MPPED1: variants seen among roughly 807,000 people sequenced by gnomAD.
MPPED1 encodes metallophosphoesterase domain-containing protein 1.
Under a neutral mutation model 36.2 loss-of-function variants are expected in MPPED1, and 16 were observed. The observed-to-expected ratio is 0.44, with a 90% CI of 0.30 to 0.67. The LOEUF is 0.67. MPPED1 is among the 30% of genes least tolerant of loss of function. The pLI is 0.10. For synonymous variants in MPPED1, 199 were observed against 191.3 expected, an observed-to-expected ratio of 1.04 and a Z score of -0.33; for missense variants, 307 against 453.4, an observed-to-expected ratio of 0.68 and a Z score of 2.93.
intron 2 of MPPED1, among the ~76,000 whole-genome samples, chr22:43,430,870 A>G (rs1929653740): frequency 6.6e-6 from 1 of 151,956 alleles, no homozygotes; most frequent in Admixed American, 6.5e-5. Flanking sequence ...TTGTCATTGC[A>G]AGTATCAGAA....
rs201366771 is a variant in MPPED1, at chr22:43,502,787, C to T, written c.862+30C>T. On this transcript the variant is annotated intron_variant, in intron 6 of 6. Coordinates refer to ENST00000443721, the MANE Select transcript of MPPED1 (RefSeq NM_001044370.2). This position sits in a 1 kb window ranked among gnomAD's most constrained non-coding sequence, Gnocchi z 5.5. The stretch of plus-strand genomic sequence containing the variant: ...GTACGTAGCGGAGACAGGCACCTCA[C>T]GGGCTAGGGGCTCCTAATGGACCCT... 33 of 1,587,362 alleles carry T rather than the reference C, an allele frequency of 2.1e-5. No individual in the cohort carries two copies. The highest frequency in any genetic ancestry group is 3.3e-4 in the Middle Eastern group (2 of 6,022).
At chr22:43,432,573 A>AGGAGAGAGAGAGAAAGGGG (rs1569067225) in intron 2 of MPPED1, among the ~76,000 whole-genome samples, 29 of 88,214 alleles carry the variant, frequency 3.3e-4, no homozygotes, top group Non-Finnish European at 6.0e-4. Context: ...AGAGAAAGGG[A>AGGAGAGAGAGAGAAAGGGG]GGAGAGAGAG....
intron 4 of MPPED1, among the ~76,000 whole-genome samples, chr22:43,491,029 A>G (rs544947594): frequency 6.6e-6 from 1 of 152,360 alleles, no homozygotes; most frequent in East Asian, 1.9e-4. Context: ...TGGGTGGCTA[A>G]TTAAATAGAA....
intron 3 of MPPED1, among the ~76,000 whole-genome samples, chr22:43,460,115 A>G (rs1930895165): frequency 6.6e-6 from 1 of 151,986 alleles, no homozygotes; most frequent in Non-Finnish European, 1.5e-5. Flanking sequence ...GCTGAGGCAG[A>G]AGATTTGCTT....
At chr22:43,438,748 G>A (rs963928893) in intron 3 of MPPED1, among the ~76,000 whole-genome samples, 14 of 152,246 alleles carry the variant, frequency 9.2e-5, no homozygotes, top group Non-Finnish European at 1.3e-4. Flanking sequence ...GCTCCTGGGT[G>A]TCTGGTGCCA....
At chr22:43,453,961 C>T (rs957555277) in intron 3 of MPPED1, among the ~76,000 whole-genome samples, 2 of 152,120 alleles carry the variant, frequency 1.3e-5, no homozygotes, top group Non-Finnish European at 2.9e-5. Flanking sequence ...CTCTCCCCAG[C>T]CCCTGGCATC....
intron 3 of MPPED1, among the ~76,000 whole-genome samples, chr22:43,435,750 C>T (rs750029057): frequency 5.9e-5 from 9 of 152,190 alleles, no homozygotes; most frequent in South Asian, 2.1e-4. Flanking sequence ...CCAGCTACAT[C>T]GGAGGCTGAG....
chr22:43,448,290 G>A (rs1017510636), intron 3 of MPPED1, among the ~76,000 whole-genome samples: 1 of 152,182 alleles, frequency 6.6e-6, no homozygotes, highest in African/African-American at 2.4e-5. Flanking sequence ...TGGTAACCAC[G>A]AGCCCCCATG....
At chr22:43,431,048 TTTTTTTTTTTTTA>T (rs1929666206) in intron 2 of MPPED1, among the ~76,000 whole-genome samples, 4 of 103,878 alleles carry the variant, frequency 3.9e-5, no homozygotes, top group African/African-American at 1.4e-4. Context: ...TTTTTTTTTT[TTTTTTTTTTTTTA>T]GACAGAGTCT....
intron 3 of MPPED1, among the ~76,000 whole-genome samples, chr22:43,456,792 G>A (rs1029311461): frequency 5.9e-5 from 9 of 152,094 alleles, no homozygotes; most frequent in Non-Finnish European, 7.4e-5. Flanking sequence ...CACCGCACCC[G>A]GTGTGTGTGT....
chr22:43,500,361 GTGGTGATGGGGGTGGTGGTGGTGA>G (rs1932681473), intron 5 of MPPED1, among the ~76,000 whole-genome samples: 2 of 149,822 alleles, frequency 1.3e-5, no homozygotes, highest in Non-Finnish European at 1.5e-5. Context: ...GGTGATGGAG[GTGGTGATGGGGGTGGTGGTGGTGA>G]TGGTGATGGA....
intron 4 of MPPED1, among the ~76,000 whole-genome samples, chr22:43,491,404 T>C (rs1478652962): frequency 6.6e-6 from 1 of 152,038 alleles, no homozygotes; most frequent in African/African-American, 2.4e-5. Flanking sequence ...GTGGTGGTGA[T>C]GATGGTGGAG....
rs1033233515 is a variant in MPPED1 at position 43,495,113 on chromosome 22, G to T, written c.633-3122G>T. On this transcript the variant is annotated intron_variant, in intron 4 of 6. Coordinates refer to ENST00000443721, the MANE Select transcript of MPPED1 (RefSeq NM_001044370.2). Reference sequence around the variant, plus strand: ...CATAGCAATGATTGAGGTAGTGGTGGTGATGGAGGTGGTAGGAGGTGGTGG... The same window carrying T: ...CATAGCAATGATTGAGGTAGTGGTGTTGATGGAGGTGGTAGGAGGTGGTGG... 3.9e-5 allele frequency among the ~76,000 whole-genome samples: 6 copies of T among 152,174 alleles called. No individual in the cohort carries two copies. The South Asian group carries it at 1.0e-3, about 26-fold the overall frequency.
At chr22:43,424,437 C>T (rs1273715264) in intron 1 of MPPED1, among the ~76,000 whole-genome samples, 1 of 151,806 alleles carries the variant, frequency 6.6e-6, no homozygotes, top group African/African-American at 2.4e-5. Flanking sequence ...GGCGTGGGGC[C>T]ATGTGGGTGT....
chr22:43,481,719 G>GC (rs200012439), intron 4 of MPPED1, among the ~76,000 whole-genome samples: 8 of 152,016 alleles, frequency 5.3e-5, no homozygotes, highest in Non-Finnish European at 7.4e-5. Flanking sequence ...GCCTAACTGT[G>GC]CCCCCTGCTG....
chr22:43,454,777 A>G (rs1930695119), intron 3 of MPPED1, among the ~76,000 whole-genome samples: 1 of 151,926 alleles, frequency 6.6e-6, no homozygotes, highest in African/African-American at 2.4e-5. Context: ...TCTCGAACTC[A>G]TGACCTCAGG....
chr22:43,434,519 G>A lies in MPPED1; in HGVS notation c.225-515G>A, dbSNP rs572751169. On this transcript the variant is annotated intron_variant, in intron 2 of 6. Coordinates refer to ENST00000443721, the MANE Select transcript of MPPED1 (RefSeq NM_001044370.2). ...CTAAAGGGTAAAATCTGGTGCTTGG[G>A]GAGTGAAGAAAACGTCTTGCTCTTC... Among the ~76,000 whole-genome samples, 7 of 152,338 alleles carry A rather than the reference G, an allele frequency of 4.6e-5. 1 individual carries two copies. Among genetic ancestry groups the A allele is most frequent in the African/African-American group, 1.7e-4 (7 of 41,578 alleles).
chr22:43,414,715 T>A (rs543626664), intron 1 of MPPED1, among the ~76,000 whole-genome samples: 1 of 152,308 alleles, frequency 6.6e-6, no homozygotes, highest in African/African-American at 2.4e-5. Context: ...CAATGTGACA[T>A]GTCTCTCCCA....
At chr22:43,413,090 C>T (rs905294591) in intron 1 of MPPED1, among the ~76,000 whole-genome samples, 1 of 152,256 alleles carries the variant, frequency 6.6e-6, no homozygotes, top group Non-Finnish European at 1.5e-5. Context: ...TCTGGGATGT[C>T]TCTTCCCCAG....
Sources: gnomAD v4.1 joint callset for allele counts (sites outside exome capture counted in the v4.1 genomes callset) on GRCh38, gnomAD v4.1.1 for gene constraint, Gnocchi (gnomAD v3.1) non-coding constraint, MANE v1.5 for transcripts, NCBI Gene and HGNC (gene_info 2026-07-23, HGNC 2026-07-21) for gene names.